Variants in AGO3 observed in about 807,000 individuals in gnomAD.
AGO3 encodes protein argonaute-3.
A neutral mutation model predicts 105.5 loss-of-function variants in AGO3; 16 were observed. The observed-to-expected ratio is 0.15, with a 90% confidence interval of 0.10 to 0.23. The LOEUF (loss-of-function observed/expected upper bound fraction) is 0.23. AGO3 is among the 10% of genes least tolerant of loss of function. AGO3 has a pLI of 1.00. For synonymous variants in AGO3, 340 were observed against 367.3 expected (o/e 0.93, Z 0.85); for missense variants, 534 against 1,088.0 (o/e 0.49, Z 7.16).
At chr1:35,993,909 G>A (rs1045330015) in intron 5 of AGO3, among the ~76,000 whole-genome samples, 3 of 151,032 alleles carry the variant, frequency 2.0e-5, no homozygotes, top group African/African-American at 4.9e-5. Flanking sequence ...CACCATGCCC[G>A]GCTAATTTTT....
chr1:35,964,740 C>T (rs1453307722), intron 2 of AGO3, among the ~76,000 whole-genome samples: 2 of 152,210 alleles, frequency 1.3e-5, no homozygotes, highest in African/African-American at 4.8e-5. Context: ...TACACTCTCA[C>T]CAACAGTGTA....
chr1:36,031,691 C>G (rs1324492474), intron 12 of AGO3, among the ~76,000 whole-genome samples: 2 of 152,064 alleles, frequency 1.3e-5, no homozygotes, highest in Non-Finnish European at 2.9e-5. Flanking sequence ...CTTTAATATC[C>G]TATTAAACCT....
At position 36,068,851 on chromosome 1, in the gene AGO3, T is replaced by C. The variant is rs1643127374; in HGVS notation, c.*13106T>C. 1 of 152,212 alleles carries C rather than the reference T, an allele frequency of 6.6e-6. No individual in the cohort carries two copies. Among genetic ancestry groups the C allele is most frequent in the Admixed American group, 6.5e-5 (1 of 15,278 alleles). 9.4% of individuals were successfully genotyped at this position (152,212 alleles called of 1,614,324 possible). A position where few individuals can be genotyped will look rare whatever the true frequency, so the allele number is the denominator to read the frequency against. ...CCAGTTCCTAGTCAAGCGTGGGCTA[T>C]AAGAGAGAAGGCTTAAGGTGTTCTT... On this transcript the variant is annotated 3_prime_UTR_variant, in exon 19 of 19. Coordinates refer to ENST00000373191, the MANE Select transcript of AGO3 (RefSeq NM_024852.4).
In AGO3 at chr1:35,990,719, TAAA is replaced by T. The variant is rs1026854548; in HGVS notation, c.659-13618_659-13616del. ...CTAGTAAATAAAAATTTCTAGTAAA[TAAA>T]AAATTCTAGTAAATAATTTATTAAT... On this transcript the variant is annotated intron_variant, in intron 5 of 18. Coordinates refer to ENST00000373191, the MANE Select transcript of AGO3 (RefSeq NM_024852.4). Among the ~76,000 whole-genome samples, 17 of 152,302 alleles carry T rather than the reference TAAA, an allele frequency of 1.1e-4. No homozygotes were observed. The South Asian group carries it at 1.2e-3, about 11-fold the overall frequency.
chr1:36,034,408 C>A, intron 13 of AGO3, 75 bp downstream of exon 13: 1 of 1,083,490 alleles, frequency 9.2e-7, no homozygotes, highest in Non-Finnish European at 1.2e-6. Flanking sequence ...TATCTAACTA[C>A]TATAAGGGCT....
chr1:35,936,453 T>C (rs1450087332), intron 1 of AGO3, among the ~76,000 whole-genome samples: 1 of 152,198 alleles, frequency 6.6e-6, no homozygotes, highest in African/African-American at 2.4e-5. Flanking sequence ...AGTTTTGCTC[T>C]CGTCGCCCAG....
intron 1 of AGO3, among the ~76,000 whole-genome samples, chr1:35,932,761 A>G (rs1646076988): frequency 6.6e-6 from 1 of 152,078 alleles, no homozygotes; most frequent in African/African-American, 2.4e-5. Flanking sequence ...AAATTACCAT[A>G]CTACTGTTTT....
chr1:36,010,096 G>A (rs1034536322), intron 9 of AGO3, among the ~76,000 whole-genome samples: 11 of 151,710 alleles, frequency 7.3e-5, no homozygotes, highest in African/African-American at 1.5e-4. Context: ...ATGCCACCAC[G>A]CCTGGCTAAT....
At chr1:35,995,238 T>A (rs1010283467) in intron 5 of AGO3, among the ~76,000 whole-genome samples, 63 of 134,384 alleles carry the variant, frequency 4.7e-4, no homozygotes, top group African/African-American at 1.4e-3. Context: ...ATATATATAT[T>A]ATATAAAATT....
intron 5 of AGO3, among the ~76,000 whole-genome samples, chr1:36,002,169 G>A (rs1432625172): frequency 1.3e-5 from 2 of 151,742 alleles, no homozygotes; most frequent in African/African-American, 2.4e-5. Context: ...ACAGGCATGC[G>A]CCACCACACA....
At chr1:35,953,434 A>G (rs1158267968) in intron 2 of AGO3, among the ~76,000 whole-genome samples, 3 of 151,274 alleles carry the variant, frequency 2.0e-5, no homozygotes, top group Non-Finnish European at 4.4e-5. Flanking sequence ...TTTGACTTGC[A>G]TTTTCCTGAT....
intron 3 of AGO3, among the ~76,000 whole-genome samples, chr1:35,967,587 TTG>T (rs1328143777): frequency 4.6e-5 from 7 of 151,960 alleles, no homozygotes; most frequent in East Asian, 1.9e-4. Flanking sequence ...GCTAATTTTT[TTG>T]TGTTTGTAGT....
intron 5 of AGO3, among the ~76,000 whole-genome samples, chr1:35,991,434 C>CT (rs1178531638): frequency 6.6e-6 from 1 of 151,880 alleles, no homozygotes; most frequent in Non-Finnish European, 1.5e-5. Context: ...TCACACTTCA[C>CT]TGTTGCCCTG....
In AGO3 at chr1:35,982,067, A is replaced by G. The variant is rs72902991; in HGVS notation, c.658+8556A>G. On this transcript the variant is annotated intron_variant, in intron 5 of 18. Transcript: ENST00000373191. The stretch of plus-strand genomic sequence containing the variant: ...TACAGGTTCTAGGAGAAAGATGGGA[A>G]AATTTGGAACTAAATTGCTGTTATG... Among the ~76,000 whole-genome samples, 286 of 152,302 alleles carry G rather than the reference A, an allele frequency of 1.9e-3. 2 individuals carry two copies. Among genetic ancestry groups the G allele is most frequent in the African/African-American group, 6.6e-3 (273 of 41,554 alleles).
At chr1:35,952,787 A>G (rs952192548) in intron 2 of AGO3, among the ~76,000 whole-genome samples, 8 of 152,230 alleles carry the variant, frequency 5.3e-5, no homozygotes, top group African/African-American at 1.9e-4. Context: ...AGTAGGCTCT[A>G]CTATCTAGGT....
intron 5 of AGO3, among the ~76,000 whole-genome samples, chr1:35,991,921 A>C (rs1647704235): frequency 6.6e-6 from 1 of 152,036 alleles, no homozygotes; most frequent in Non-Finnish European, 1.5e-5. Flanking sequence ...ATTCTTGATT[A>C]CTGTCTATTC....
At chr1:36,033,294 G>A (rs1476371507) in intron 12 of AGO3, among the ~76,000 whole-genome samples, 4 of 151,220 alleles carry the variant, frequency 2.6e-5, no homozygotes, top group South Asian at 2.1e-4. Flanking sequence ...CTGAGATCGC[G>A]CCACTGCACT....
In AGO3 at chr1:36,008,428, T is replaced by C. The variant is rs573715974; in HGVS notation, c.794-262T>C. Among the ~76,000 whole-genome samples, 14 of 152,312 alleles carry C rather than the reference T, an allele frequency of 9.2e-5. 1 individual carries two copies. The highest frequency in any genetic ancestry group is 9.2e-4 in the Admixed American group (14 of 15,290). On this transcript the variant is annotated intron_variant, in intron 6 of 18. Transcript: ENST00000373191. This position sits in a 1 kb window ranked among gnomAD's most constrained non-coding sequence, Gnocchi z 5.1. ...ATGGAAGATTTTGGCCCTTGATCTATGGGCTTTGCAAATTTTATGATTTTA... is the reference window on the plus strand; with the variant it reads ...ATGGAAGATTTTGGCCCTTGATCTACGGGCTTTGCAAATTTTATGATTTTA...
intron 4 of AGO3, 100 bp from the exon 5 acceptor site, chr1:35,973,275 A>G: frequency 8.8e-7 from 1 of 1,142,654 alleles, no homozygotes; most frequent in Non-Finnish European, 1.2e-6. Flanking sequence ...CATAATGATA[A>G]GCATCATTAT....
Sources: allele counts gnomAD v4.1 joint callset (sites outside exome capture counted in the v4.1 genomes callset), GRCh38; gene constraint gnomAD v4.1.1; non-coding constraint Gnocchi (gnomAD v3.1); transcripts MANE v1.5; gene names NCBI Gene and HGNC (gene_info 2026-07-23, HGNC 2026-07-21).